Variants in DLG4 observed in about 807,000 individuals in gnomAD.
DLG4 encodes discs large MAGUK scaffold protein 4, also known as disks large homolog 4.
Under a neutral mutation model 93.8 loss-of-function variants are expected in DLG4, and 7 were observed. That is an observed-to-expected ratio of 0.07 (90% CI 0.04 to 0.14). The LOEUF is 0.14. DLG4 is among the 10% of genes least tolerant of loss of function. The pLI is 1.00. For missense variants in DLG4, 545 were observed against 992.9 expected, an observed-to-expected ratio of 0.55 and a Z score of 6.06; for synonymous variants, 341 against 387.6, an observed-to-expected ratio of 0.88 and a Z score of 1.41.
chr17:7,217,219 G>A lies in DLG4; in HGVS notation c.-72C>T. On this transcript the variant is annotated 5_prime_UTR_variant, in exon 1 of 20. Transcript: ENST00000399506. ...CGGAGTTTCGTTCCTCCCCTCCGTG[G>A]GTTCTCACCCCTCCCCCCTCCGCAC... 6 of 1,261,234 alleles carry A rather than the reference G, an allele frequency of 4.8e-6. No homozygotes were observed. The highest frequency in any genetic ancestry group is 5.0e-6 in the Non-Finnish European group (5 of 996,288). The allele number at this position is 1,261,234 out of a possible 1,614,324, so 78.1% of individuals were successfully genotyped here.
chr17:7,219,163 A>C, upstream of DLG4: 2 of 418,256 alleles, frequency 4.8e-6, no homozygotes, highest in Non-Finnish European at 8.5e-6. Context: ...TCTCACCCCA[A>C]TGAGAATTGC....
rs1459472552 is a variant in DLG4 at position 7,204,190 on chromosome 17, A to C, written c.150+9T>G. 1 of 1,607,642 alleles carries C rather than the reference A, an allele frequency of 6.2e-7. No homozygotes were observed. Among genetic ancestry groups the C allele is most frequent in the Non-Finnish European group, 8.5e-7 (1 of 1,175,828 alleles). On this transcript the variant is annotated intron_variant, in intron 3 of 19. Transcript: ENST00000399506. Reference sequence around the variant, plus strand: ...CAATGGCCCCAGCCCCAAAATCTAAACAACTCACATATCCTGGGGCTTCTA... The same window carrying C: ...CAATGGCCCCAGCCCCAAAATCTAACCAACTCACATATCCTGGGGCTTCTA...
At position 7,203,988 on chromosome 17, in the gene DLG4, C is replaced by T. The variant is rs758863973; in HGVS notation, c.210+20G>A. Reference sequence around the variant, plus strand: ...ACAGACGGGAGGCCACGGGGACTGCCGATGGAGGAGCCTGCTCACCCTTTC... The same window carrying T: ...ACAGACGGGAGGCCACGGGGACTGCTGATGGAGGAGCCTGCTCACCCTTTC... On this transcript the variant is annotated intron_variant, in intron 4 of 19. Coordinates refer to ENST00000399506, the MANE Select transcript of DLG4 (RefSeq NM_001321075.3). This position sits in a 1 kb window ranked among gnomAD's most constrained non-coding sequence, Gnocchi z 7.2. The T allele has an allele frequency of 2.5e-6, 4 of 1,609,800 alleles. No homozygotes were observed. The highest frequency in any genetic ancestry group is 2.2e-5 in the East Asian group (1 of 44,722).
chr17:7,194,096 G>A lies in DLG4; in HGVS notation c.1479-96C>T. 6.7e-7 allele frequency: 1 copy of A among 1,491,928 alleles called. No homozygotes were observed. Among genetic ancestry groups the A allele is most frequent in the Non-Finnish European group, 9.1e-7 (1 of 1,099,334 alleles). The allele number at this position is 1,491,928 out of a possible 1,614,324, so 92.4% of individuals were successfully genotyped here. Reference sequence around the variant, plus strand: ...GCTGACAACCCCTTCTCCATACTCTGGGCCAGCTGACACCCCTTCTCCTGC... The same window carrying A: ...GCTGACAACCCCTTCTCCATACTCTAGGCCAGCTGACACCCCTTCTCCTGC... On this transcript the variant is annotated intron_variant, in intron 12 of 19. Transcript: ENST00000399506. The surrounding 1 kb of genome is among the most constrained non-coding windows in gnomAD (Gnocchi z 4.4).
At position 7,203,275 on chromosome 17, in the gene DLG4, T is replaced by C. The variant is rs2070254480; in HGVS notation, c.560A>G (p.Asn187Ser). Reference sequence around the variant, plus strand: ...GATGATCTTTGTTACATAGATGCTATTATCTCCTGGGATGTGCTGGTTCCC... The same window carrying C: ...GATGATCTTTGTTACATAGATGCTACTATCTCCTGGGATGTGCTGGTTCCC... Reference protein sequence around the residue: ...GVGNQHIPGDNSIYVTKIIEG... With the variant: ...GVGNQHIPGDSSIYVTKIIEG... Residue 187 changes from asparagine (N) to serine (S), a missense_variant, in exon 7 of 20, where the codon AAT becomes AGT. By Grantham distance (46) the Asn-to-Ser change is conservative. Around this residue, in one of 5 missense-constraint regions of DLG4, gnomAD observed 428 missense variants for 741.4 expected, o/e 0.58. Coordinates refer to ENST00000399506, the MANE Select transcript of DLG4 (RefSeq NM_001321075.3). This position sits in a 1 kb window ranked among gnomAD's most constrained non-coding sequence, Gnocchi z 7.2. 6.2e-7 allele frequency: 1 copy of C among 1,610,502 alleles called. No individual in the cohort carries two copies. The highest frequency in any genetic ancestry group is 1.3e-5 in the African/African-American group (1 of 74,858).
upstream of DLG4, chr17:7,218,744 C>G: frequency 1.3e-6 from 2 of 1,584,818 alleles, no homozygotes. Context: ...CCAGCCCCTA[C>G]GGAAAGATTT....
rs1278225233 is a variant in DLG4, at chr17:7,217,150, TG to T, written c.-4del. 2 of 1,290,972 alleles carry T rather than the reference TG, an allele frequency of 1.5e-6. No homozygotes were observed. Among genetic ancestry groups the T allele is most frequent in the Non-Finnish European group, 2.0e-6 (2 of 1,015,962 alleles). The allele number at this position is 1,290,972 out of a possible 1,614,324, so 80.0% of individuals were successfully genotyped here. ...GTCACTATACAGAGACAGTCCATGTTGGGGGGCCTGGCCGCGGCGGCGGGTA... is the reference window on the plus strand; with the variant it reads ...GTCACTATACAGAGACAGTCCATGTTGGGGGCCTGGCCGCGGCGGCGGGTA... On this transcript the variant is annotated 5_prime_UTR_variant, in exon 1 of 20. Transcript: ENST00000399506.
At position 7,195,392 on chromosome 17, in the gene DLG4, A is replaced by G. The variant is rs1054952559; in HGVS notation, c.1301+828T>C. ...ACCAACCGGACCCGAGCAGGGAGGAAGGGCAGAGCAAGGGCTCAGGTGGGA... is the reference window on the plus strand; with the variant it reads ...ACCAACCGGACCCGAGCAGGGAGGAGGGGCAGAGCAAGGGCTCAGGTGGGA... On this transcript the variant is annotated intron_variant, in intron 11 of 19. Coordinates refer to ENST00000399506, the MANE Select transcript of DLG4 (RefSeq NM_001321075.3). This position sits in a 1 kb window ranked among gnomAD's most constrained non-coding sequence, Gnocchi z 4.3. 2.0e-5 allele frequency among the ~76,000 whole-genome samples: 3 copies of G among 152,152 alleles called. No individual in the cohort carries two copies. The highest frequency in any genetic ancestry group is 7.2e-5 in the African/African-American group (3 of 41,428).
chr17:7,204,481 C>T (rs1229090340), intron 2 of DLG4: 1 of 481,852 alleles, frequency 2.1e-6, no homozygotes, highest in Non-Finnish European at 3.6e-6. Flanking sequence ...AAGGATCTAA[C>T]TCTGCCCAGC....
intron 8 of DLG4, among the ~76,000 whole-genome samples, chr17:7,198,619 G>A (rs1259332388): frequency 1.3e-5 from 2 of 152,084 alleles, no homozygotes; most frequent in Non-Finnish European, 1.5e-5. Flanking sequence ...GGAGGCCGAG[G>A]CAGGTGGATC....
chr17:7,218,891 T>A (rs1270401501), upstream of DLG4: 2 of 1,609,308 alleles, frequency 1.2e-6, no homozygotes, highest in Non-Finnish European at 1.7e-6. Context: ...CCTCCAGGAT[T>A]GGAGTTGAGC....
At chr17:7,197,364 G>A (rs2069848063) in intron 8 of DLG4, among the ~76,000 whole-genome samples, 1 of 151,976 alleles carries the variant, frequency 6.6e-6, no homozygotes, top group East Asian at 1.9e-4. Context: ...GGGTTCCTGT[G>A]TCACTCGAAT....
At chr17:7,219,002 A>T, upstream of DLG4, 1 of 765,630 alleles carries the variant, frequency 1.3e-6, no homozygotes. Flanking sequence ...CACCGCCACC[A>T]TCTTGCTCCA....
chr17:7,210,626 T>C (rs1030775363), intron 1 of DLG4, among the ~76,000 whole-genome samples: 1 of 152,186 alleles, frequency 6.6e-6, no homozygotes, highest in Non-Finnish European at 1.5e-5. Context: ...AGCCCCAGAA[T>C]TGAGACCTGG....
Position 7,191,666 on chromosome 17 carries a change from T to G in DLG4, c.1976+227A>C, listed in dbSNP as rs531297047. The G allele has an allele frequency of 9.4e-4, 555 of 587,642 alleles. 3 individuals carry two copies. The African/African-American group carries it at 9.6e-3, about 10-fold the overall frequency. The allele number at this position is 587,642 out of a possible 1,614,324, so 36.4% of individuals were successfully genotyped here. A position where few individuals can be genotyped will look rare whatever the true frequency, so the allele number is the denominator to read the frequency against. Reference sequence around the variant, plus strand: ...CCTAGAGGCCCTGACTCGCCCCAGCTGGTATGCCCCAGGGGCTGCTGGGAA... The same window carrying G: ...CCTAGAGGCCCTGACTCGCCCCAGCGGGTATGCCCCAGGGGCTGCTGGGAA... On this transcript the variant is annotated intron_variant, in intron 18 of 19. Coordinates refer to ENST00000399506, the MANE Select transcript of DLG4 (RefSeq NM_001321075.3). This position sits in a 1 kb window ranked among gnomAD's most constrained non-coding sequence, Gnocchi z 6.6.
At chr17:7,214,610 C>T (rs2070832333) in intron 1 of DLG4, among the ~76,000 whole-genome samples, 1 of 152,208 alleles carries the variant, frequency 6.6e-6, no homozygotes. Flanking sequence ...TGGCAAATAG[C>T]CTCAGTCTTT....
At chr17:7,209,757 A>G (rs991153277) in intron 1 of DLG4, among the ~76,000 whole-genome samples, 2 of 152,112 alleles carry the variant, frequency 1.3e-5, no homozygotes, top group African/African-American at 2.4e-5. Flanking sequence ...GCAACAGAGT[A>G]AGACCCTGTC....
upstream of DLG4, chr17:7,218,660 T>G (rs2071046752): frequency 6.4e-7 from 1 of 1,555,922 alleles, no homozygotes. Context: ...GCAAGGAGAA[T>G]TGGGACAGGG....
Position 7,191,249 on chromosome 17 carries a change from G to T in DLG4, c.2068+18C>A, listed in dbSNP as rs1282259472. On this transcript the variant is annotated intron_variant, in intron 19 of 19. Coordinates refer to ENST00000399506, the MANE Select transcript of DLG4 (RefSeq NM_001321075.3). The surrounding 1 kb of genome is among the most constrained non-coding windows in gnomAD (Gnocchi z 6.6). Reference sequence around the variant, plus strand: ...AAGGGCACCCTACATGCTGGCAACAGCCTTGCTGTGGCCTCACCTGAGAAG... The same window carrying T: ...AAGGGCACCCTACATGCTGGCAACATCCTTGCTGTGGCCTCACCTGAGAAG... 6.2e-7 allele frequency: 1 copy of T among 1,612,958 alleles called. No individual in the cohort carries two copies. The highest frequency in any genetic ancestry group is 8.5e-7 in the Non-Finnish European group (1 of 1,179,062).
Sources: allele counts gnomAD v4.1 joint callset (sites outside exome capture counted in the v4.1 genomes callset), GRCh38; gene constraint gnomAD v4.1.1; regional missense constraint gnomAD v4.1.1; non-coding constraint Gnocchi (gnomAD v3.1); transcripts MANE v1.5; gene names NCBI Gene and HGNC (gene_info 2026-07-23, HGNC 2026-07-21).